PLAA: variants seen among roughly 807,000 people sequenced by gnomAD.
The protein encoded by PLAA is phospholipase A2 activating protein, also known as phospholipase A-2-activating protein.
PLAA carries 48 observed loss-of-function variants against 84.1 expected under a neutral mutation model. The observed-to-expected ratio is 0.57, with a 90% confidence interval of 0.45 to 0.73. The LOEUF is 0.73. Among genes scored for constraint, PLAA ranks in the 30% least tolerant of loss-of-function variants. PLAA has a pLI of 0.00. For synonymous variants in PLAA, 392 were observed against 336.6 expected (o/e 1.16, Z -1.80); for missense variants, 903 against 954.7 (o/e 0.95, Z 0.71).
At chr9:26,937,119 G>A (rs1471484622) in intron 1 of PLAA, among the ~76,000 whole-genome samples, 1 of 151,934 alleles carries the variant, frequency 6.6e-6, no homozygotes, top group Non-Finnish European at 1.5e-5. Flanking sequence ...CCAGCCTGGG[G>A]GGACAACAGC....
At chr9:26,907,594 A>C (rs1017601100) in intron 13 of PLAA, 3 of 423,930 alleles carry the variant, frequency 7.1e-6, no homozygotes, top group Non-Finnish European at 1.2e-5. Context: ...ACAACAACAA[A>C]AAAACAAACT....
At chr9:26,938,149 A>G (rs767283882) in intron 1 of PLAA, among the ~76,000 whole-genome samples, 11 of 152,208 alleles carry the variant, frequency 7.2e-5, no homozygotes, top group Non-Finnish European at 1.2e-4. Flanking sequence ...AAGCAGTAAG[A>G]AAGAAGTAAC....
At position 26,913,911 on chromosome 9, in the gene PLAA, C is replaced by T; in HGVS notation, c.1523G>A (p.Gly508Glu). Residue 508 changes from glycine to glutamate, a missense_variant, in exon 11 of 14, where the codon GGA becomes GAA. Physicochemically the swap from Gly to Glu is moderately conservative, Grantham distance 98. Coordinates refer to ENST00000397292, the MANE Select transcript of PLAA (RefSeq NM_001031689.3). ...GRYVPGSASM[G>E]TTMAGVDPFT... Reference sequence around the variant, plus strand: ...TGGATCAACTCCGGCCATGGTAGTTCCCATACTTGCAGAACCTGGTACATA... The same window carrying T: ...TGGATCAACTCCGGCCATGGTAGTTTCCATACTTGCAGAACCTGGTACATA... The T allele has an allele frequency of 6.2e-7, 1 of 1,612,496 alleles. No homozygotes were observed. Among genetic ancestry groups the T allele is most frequent in the East Asian group, 2.2e-5 (1 of 44,860 alleles).
rs148976942 is a variant in PLAA at position 26,944,525 on chromosome 9, T to C, written c.149+2372A>G. ...AATCTTTTGACTTTCCTGGGCCACA[T>C]TGGAAGAAAAATTGTCTTTGGCCAC... On this transcript the variant is annotated intron_variant, in intron 1 of 13. Coordinates refer to ENST00000397292, the MANE Select transcript of PLAA (RefSeq NM_001031689.3). Among the ~76,000 whole-genome samples the C allele has an allele frequency of 9.5e-3, 1,449 of 152,260 alleles. 17 individuals are homozygous for C. Among genetic ancestry groups the C allele is most frequent in the African/African-American group, 0.031 (1,280 of 41,550 alleles).
chr9:26,926,402 T>A lies in PLAA; in HGVS notation c.724A>T (p.Asn242Tyr), dbSNP rs1469441939. The change falls in exon 5 of 14, where the codon AAT becomes TAT. Residue 242 changes from asparagine to tyrosine, a missense_variant. Coordinates refer to ENST00000397292, the MANE Select transcript of PLAA (RefSeq NM_001031689.3). ...NYIYSISVFP[N>Y]CRDFVTTAED... ...CATAAAATAATCTTACCTCTACAAT[T>A]TGGAAAAACGGATATGCTATAAATA... The A allele has an allele frequency of 1.3e-6, 2 of 1,597,028 alleles. No homozygotes were observed. Among genetic ancestry groups the A allele is most frequent in the Admixed American group, 3.3e-5 (2 of 59,828 alleles).
chr9:26,906,040 G>A lies in PLAA; in HGVS notation c.1859C>T (p.Ser620Leu). The change falls in exon 14 of 14, where the codon TCA becomes TTA. Residue 620 changes from serine to leucine, a missense_variant. Physicochemically the swap from Ser to Leu is moderately radical, Grantham distance 145. Transcript: ENST00000397292. ...VFPALDILRL[S>L]IKHPSVNENF... is the part of the protein sequence containing the mutation. Reference sequence around the variant, plus strand: ...CTCATTCACACTGGGGTGTTTAATTGACAACCGAAGAATGTCAAGTGCAGG... The same window carrying A: ...CTCATTCACACTGGGGTGTTTAATTAACAACCGAAGAATGTCAAGTGCAGG... 1 of 1,580,340 alleles carries A rather than the reference G, an allele frequency of 6.3e-7. No homozygotes were observed. The highest frequency in any genetic ancestry group is 1.2e-5 in the South Asian group (1 of 86,538).
chr9:26,939,787 A>G (rs567904859), intron 1 of PLAA, among the ~76,000 whole-genome samples: 28 of 152,246 alleles, frequency 1.8e-4, no homozygotes, highest in African/African-American at 6.5e-4. Context: ...TAAATCAAAA[A>G]AAGAAAACAA....
chr9:26,907,686 T>C (rs1440241552), intron 13 of PLAA, 148 bp downstream of exon 13: 5 of 623,866 alleles, frequency 8.0e-6, no homozygotes, highest in African/African-American at 5.7e-5. Context: ...TCCAGTAGTG[T>C]AGTGAACCCT....
At chr9:26,929,969 G>C (rs911933455) in intron 2 of PLAA, among the ~76,000 whole-genome samples, 1 of 152,012 alleles carries the variant, frequency 6.6e-6, no homozygotes, top group Non-Finnish European at 1.5e-5. Flanking sequence ...TTAGTCACCA[G>C]ACAAAACGGT....
At chr9:26,928,074 A>G (rs762274595) in intron 4 of PLAA, 26 bp downstream of exon 4, 196 of 1,580,258 alleles carry the variant, frequency 1.2e-4, no homozygotes, top group Non-Finnish European at 1.6e-4. Flanking sequence ...CAATGATATT[A>G]TAAAACTTGT....
At chr9:26,923,144 G>C in intron 7 of PLAA, 34 bp downstream of exon 7, 2 of 1,462,054 alleles carry the variant, frequency 1.4e-6, no homozygotes, top group Non-Finnish European at 1.8e-6. Context: ...CAAATATGGT[G>C]AATTTTTTCT....
chr9:26,925,902 A>C lies in PLAA; in HGVS notation c.792T>G (p.Ala264=). ...ACTGAGCTGGAAGTCGGATAGTTTGAGCACATTCCCCATGTTTCCAGATTC... is the reference window on the plus strand; with the variant it reads ...ACTGAGCTGGAAGTCGGATAGTTTGCGCACATTCCCCATGTTTCCAGATTC... The part of the protein sequence containing the change: ...SLRIWKHGEC[A]QTIRLPAQSI... The change falls in exon 6 of 14, where the codon GCT becomes GCG. Residue 264 remains alanine, a synonymous_variant. Coordinates refer to ENST00000397292, the MANE Select transcript of PLAA (RefSeq NM_001031689.3). 2 of 1,613,728 alleles carry C rather than the reference A, an allele frequency of 1.2e-6. No individual in the cohort carries two copies. Among genetic ancestry groups the C allele is most frequent in the Non-Finnish European group, 1.7e-6 (2 of 1,179,638 alleles).
intron 1 of PLAA, among the ~76,000 whole-genome samples, chr9:26,937,329 T>G (rs908594535): frequency 6.6e-6 from 1 of 152,068 alleles, no homozygotes; most frequent in Non-Finnish European, 1.5e-5. Context: ...GTTTACATCT[T>G]AGCCCGATAT....
In PLAA at chr9:26,933,191, C is replaced by G. The variant is rs1022328482; in HGVS notation, c.343+1822G>C. On this transcript the variant is annotated intron_variant, in intron 2 of 13. Transcript: ENST00000397292. ...GCTGAGGCAGGAGAACTGCTTGAAC[C>G]CGGGAGGCAGACGTTGCAGTGAGCC... 1.3e-5 allele frequency among the ~76,000 whole-genome samples: 2 copies of G among 152,000 alleles called. 1 individual carries two copies. The highest frequency in any genetic ancestry group is 4.2e-4 in the South Asian group (2 of 4,818).
intron 1 of PLAA, among the ~76,000 whole-genome samples, chr9:26,942,271 C>T (rs943621050): frequency 2.6e-5 from 4 of 152,096 alleles, no homozygotes; most frequent in African/African-American, 9.7e-5. Flanking sequence ...CAATAAAAAT[C>T]CAACATATGA....
chr9:26,938,554 T>TAA lies in PLAA; in HGVS notation c.150-3350_150-3349dup, dbSNP rs34448526. 8.2e-3 allele frequency among the ~76,000 whole-genome samples: 943 copies of TAA among 114,584 alleles called. 19 individuals carry two copies. Among genetic ancestry groups the TAA allele is most frequent in the African/African-American group, 0.029 (870 of 30,132 alleles). 75.2% of individuals were successfully genotyped at this position (114,584 alleles called of 152,430 possible). A position where few individuals can be genotyped will look rare whatever the true frequency, so the allele number is the denominator to read the frequency against. On this transcript the variant is annotated intron_variant, in intron 1 of 13. Coordinates refer to ENST00000397292, the MANE Select transcript of PLAA (RefSeq NM_001031689.3). Reference sequence around the variant, plus strand: ...GCCAAAAGAGTAAGACACCATTTCTTAAAAAAAAAAAAAAAAAAAAAAATG... The same window carrying TAA: ...GCCAAAAGAGTAAGACACCATTTCTTAAAAAAAAAAAAAAAAAAAAAAAAATG...
intron 9 of PLAA, among the ~76,000 whole-genome samples, chr9:26,918,288 A>ATATT (rs1824635785): frequency 1.0e-5 from 1 of 95,728 alleles, no homozygotes; most frequent in African/African-American, 3.8e-5. Context: ...AATTTTTTGT[A>ATATT]TTTTTTTTTT....
intron 11 of PLAA, among the ~76,000 whole-genome samples, chr9:26,912,222 G>A (rs1293299958): frequency 6.6e-6 from 1 of 152,126 alleles, no homozygotes; most frequent in African/African-American, 2.4e-5. Context: ...CCAATAATTT[G>A]TGGTCTAAAT....
chr9:26,917,444 T>C (rs530582822), intron 9 of PLAA, among the ~76,000 whole-genome samples: 168 of 152,350 alleles, frequency 1.1e-3, no homozygotes, highest in Non-Finnish European at 2.0e-3. Context: ...CAAAAGAGAA[T>C]TGCAGGTAAT....
Sources: allele counts gnomAD v4.1 joint callset (sites outside exome capture counted in the v4.1 genomes callset), GRCh38; gene constraint gnomAD v4.1.1; transcripts MANE v1.5; gene names NCBI Gene and HGNC (gene_info 2026-07-23, HGNC 2026-07-21).